EIF3D: variants seen among roughly 807,000 people sequenced by gnomAD.
The protein encoded by EIF3D is eukaryotic translation initiation factor 3 subunit D.
Under a neutral mutation model 75.4 loss-of-function variants are expected in EIF3D, and 10 were observed. The ratio of observed to expected loss-of-function variants is 0.13; its 90% confidence interval spans 0.08 to 0.22. The LOEUF (loss-of-function observed/expected upper bound fraction) is 0.22. Ranked by LOEUF, EIF3D falls within the 10% of genes least tolerant of loss-of-function variation. EIF3D has a pLI of 1.00. For missense variants in EIF3D, 394 were observed against 708.0 expected, an observed-to-expected ratio of 0.56 and a Z score of 5.03; for synonymous variants, 246 against 248.3, an observed-to-expected ratio of 0.99 and a Z score of 0.09.
Position 36,526,071 on chromosome 22 carries a change from AC to A in EIF3D, c.50del (p.Gly17ValfsTer23). ...PVIQDNPSGW[G>X]PCAVPEQFRD... ...GAAACTGCTCGGGAACCGCACAGGG[AC>A]CCCAGCCTGAGGGGTTGTCCTGGAT... On this transcript the variant is annotated frameshift_variant, in exon 2 of 15. Transcript: ENST00000216190. LOFTEE classifies it high-confidence loss of function. 1 of 1,613,338 alleles carries A rather than the reference AC, an allele frequency of 6.2e-7. No individual in the cohort carries two copies. Among genetic ancestry groups the A allele is most frequent in the Non-Finnish European group, 8.5e-7 (1 of 1,179,638 alleles).
chr22:36,515,906 T>C (rs2041947681), intron 12 of EIF3D, among the ~76,000 whole-genome samples: 1 of 134,734 alleles, frequency 7.4e-6, no homozygotes, highest in Admixed American at 7.5e-5. Context: ...GGGGGGCGGA[T>C]TGGGAGGGGT....
chr22:36,528,424 T>C (rs1934641344), intron 1 of EIF3D, among the ~76,000 whole-genome samples: 1 of 151,456 alleles, frequency 6.6e-6, no homozygotes, highest in Non-Finnish European at 1.5e-5. Flanking sequence ...ATAAATGTTT[T>C]TTTTTTTAAG....
intron 12 of EIF3D, among the ~76,000 whole-genome samples, chr22:36,513,949 T>C (rs1051407154): frequency 1.3e-5 from 2 of 151,964 alleles, no homozygotes; most frequent in East Asian, 3.9e-4. Context: ...AATATAGAAG[T>C]TGGGTGGAGG....
At chr22:36,515,355 C>A (rs891021384) in intron 12 of EIF3D, among the ~76,000 whole-genome samples, 2 of 152,048 alleles carry the variant, frequency 1.3e-5, no homozygotes, top group Non-Finnish European at 2.9e-5. Context: ...ATGGAGAAAC[C>A]CCATCTCTAC....
intron 8 of EIF3D, 81 bp from the exon 9 acceptor site, chr22:36,518,991 T>C: frequency 6.5e-7 from 1 of 1,545,608 alleles, no homozygotes; most frequent in Non-Finnish European, 8.8e-7. Context: ...AAAGAACTCC[T>C]TTGCTGACCA....
At chr22:36,515,912 G>C (rs1202060495) in intron 12 of EIF3D, among the ~76,000 whole-genome samples, 1 of 151,820 alleles carries the variant, frequency 6.6e-6, no homozygotes, top group Admixed American at 6.6e-5. Flanking sequence ...CGGATTGGGA[G>C]GGGTGGGGTG....
intron 4 of EIF3D, 146 bp from the exon 5 acceptor site, chr22:36,524,126 A>G (rs1487758656): frequency 3.7e-6 from 3 of 805,470 alleles, no homozygotes; most frequent in African/African-American, 1.7e-5. Flanking sequence ...TACGGCATCA[A>G]CAGCTTGGGG....
At chr22:36,526,546 T>G (rs993870432) in intron 1 of EIF3D, among the ~76,000 whole-genome samples, 1 of 152,226 alleles carries the variant, frequency 6.6e-6, no homozygotes, top group Non-Finnish European at 1.5e-5. Flanking sequence ...GTTTTGGTTC[T>G]GAGATATACC....
chr22:36,522,183 C>T (rs12168576), intron 6 of EIF3D, among the ~76,000 whole-genome samples: 54 of 151,902 alleles, frequency 3.6e-4, no homozygotes, highest in Non-Finnish European at 6.5e-4. Context: ...GCAGAACCCC[C>T]TATCTACAGA....
At chr22:36,527,247 A>G (rs138094437) in intron 1 of EIF3D, among the ~76,000 whole-genome samples, 6 of 152,222 alleles carry the variant, frequency 3.9e-5, no homozygotes, top group Non-Finnish European at 5.9e-5. Flanking sequence ...CCTGCCAACA[A>G]TCCTGTGAGG....
At chr22:36,515,719 C>T (rs1357382140) in intron 12 of EIF3D, among the ~76,000 whole-genome samples, 2 of 152,072 alleles carry the variant, frequency 1.3e-5, no homozygotes, top group African/African-American at 4.8e-5. Context: ...AGACGACATG[C>T]AAACGGAACA....
At chr22:36,516,639 G>A (rs773160724) in intron 11 of EIF3D, 32 bp from the exon 12 acceptor site, 5 of 1,613,862 alleles carry the variant, frequency 3.1e-6, no homozygotes, top group Non-Finnish European at 4.2e-6. Flanking sequence ...TGTGGTCACT[G>A]GGGATTCTAT....
In EIF3D at chr22:36,512,509, G is replaced by T; in HGVS notation, c.1300C>A (p.Arg434=). 6.2e-7 allele frequency: 1 copy of T among 1,614,176 alleles called. No homozygotes were observed. The highest frequency in any genetic ancestry group is 1.1e-5 in the South Asian group (1 of 91,088). ...ELKNNSYKLA[R]WTCCALLAGS... is the part of the protein sequence containing the mutation. Reference sequence around the variant, plus strand: ...GCCAGCAAAGCACAGCAGGTCCACCGGGCCAACTTGTAGCTGTTGTTCTTC... The same window carrying T: ...GCCAGCAAAGCACAGCAGGTCCACCTGGCCAACTTGTAGCTGTTGTTCTTC... Residue 434 remains arginine, a synonymous_variant, in exon 13 of 15, where the codon CGG becomes AGG. Transcript: ENST00000216190.
rs539996651 is a variant in EIF3D, at chr22:36,517,050, T to G, written c.990+251A>C. The G allele has an allele frequency of 3.1e-5, 19 of 613,354 alleles. No homozygotes were observed. The South Asian group carries it at 3.7e-4, about 12-fold the overall frequency. The allele number at this position is 613,354 out of a possible 1,614,324, so 38.0% of individuals were successfully genotyped here. A position where few individuals can be genotyped will look rare whatever the true frequency, so the allele number is the denominator to read the frequency against. The stretch of plus-strand genomic sequence containing the variant: ...CATGGCATATATTCACCATTTGATG[T>G]AAATCAATTTATTATTTATTGTTCA... On this transcript the variant is annotated intron_variant, in intron 10 of 14. Transcript: ENST00000216190.
intron 8 of EIF3D, among the ~76,000 whole-genome samples, chr22:36,519,176 C>T (rs1029737579): frequency 5.9e-5 from 9 of 152,202 alleles, no homozygotes; most frequent in Non-Finnish European, 1.2e-4. Context: ...ACATCTACCC[C>T]TTGTTGCAGA....
intron 12 of EIF3D, among the ~76,000 whole-genome samples, chr22:36,514,956 G>A (rs1014726159): frequency 6.6e-6 from 1 of 151,874 alleles, no homozygotes; most frequent in Admixed American, 6.6e-5. Flanking sequence ...CAAGAGATCT[G>A]GTTGTTTAAA....
chr22:36,522,067 A>C (rs1388900813), intron 6 of EIF3D, among the ~76,000 whole-genome samples: 1 of 152,094 alleles, frequency 6.6e-6, no homozygotes, highest in African/African-American at 2.4e-5. Context: ...TGGATTGAAA[A>C]TACAAGCCAG....
chr22:36,527,956 A>G (rs1934632042), intron 1 of EIF3D, among the ~76,000 whole-genome samples: 1 of 152,256 alleles, frequency 6.6e-6, no homozygotes, highest in Admixed American at 6.5e-5. Flanking sequence ...ACACAGGATG[A>G]ACCTAGAAGT....
intron 6 of EIF3D, among the ~76,000 whole-genome samples, chr22:36,522,617 G>A (rs988509367): frequency 6.6e-6 from 1 of 152,098 alleles, no homozygotes; most frequent in Non-Finnish European, 1.5e-5. Context: ...AAAAAATCCC[G>A]AGACAGAAAA....
Sources: allele counts gnomAD v4.1 joint callset (sites outside exome capture counted in the v4.1 genomes callset), GRCh38; gene constraint gnomAD v4.1.1; transcripts MANE v1.5; gene names NCBI Gene and HGNC (gene_info 2026-07-23, HGNC 2026-07-21).